CTNNA3: variants seen among roughly 807,000 people sequenced by gnomAD.
The protein encoded by CTNNA3 is catenin alpha-3.
A neutral mutation model predicts 95.7 loss-of-function variants in CTNNA3; 76 were observed. The ratio of observed to expected loss-of-function variants is 0.79; its 90% confidence interval spans 0.66 to 0.96. The LOEUF (loss-of-function observed/expected upper bound fraction) is 0.96, where lower values mean the gene tolerates loss of function less well. Ranked by LOEUF, CTNNA3 falls within the 40% of genes least tolerant of loss-of-function variation. CTNNA3 has a pLI of 0.00. For missense variants in CTNNA3, 1,191 were observed against 1,089.8 expected (o/e 1.09, Z -1.31); for synonymous variants, 431 against 374.4 (o/e 1.15, Z -1.74).
At chr10:66,218,428 C>T (rs1427135262) in intron 13 of CTNNA3, among the ~76,000 whole-genome samples, 1 of 152,098 alleles carries the variant, frequency 6.6e-6, no homozygotes, top group Non-Finnish European at 1.5e-5. Flanking sequence ...TGTCTCTCTT[C>T]ATATGGCCTG....
At chr10:66,387,618 T>A (rs1285501434) in intron 11 of CTNNA3, among the ~76,000 whole-genome samples, 1 of 152,198 alleles carries the variant, frequency 6.6e-6, no homozygotes, top group Non-Finnish European at 1.5e-5. Context: ...GGATTATAAA[T>A]CATGCTACAA....
chr10:66,288,902 T>C (rs189403423), intron 12 of CTNNA3, among the ~76,000 whole-genome samples: 13 of 152,106 alleles, frequency 8.5e-5, no homozygotes, highest in Admixed American at 2.6e-4. Context: ...TATCTAATGA[T>C]ACAATTCTTA....
chr10:66,795,966 A>T (rs1841173886), intron 7 of CTNNA3, among the ~76,000 whole-genome samples: 1 of 152,054 alleles, frequency 6.6e-6, no homozygotes, highest in South Asian at 2.1e-4. Flanking sequence ...CTTGCAGTAG[A>T]TTAGGCTTTA....
intron 13 of CTNNA3, among the ~76,000 whole-genome samples, chr10:66,121,042 C>T (rs1467383649): frequency 6.6e-6 from 1 of 152,156 alleles, no homozygotes; most frequent in African/African-American, 2.4e-5. Context: ...AAATCTAAAT[C>T]AGGTGTCCTA....
At chr10:66,237,808 A>G (rs2089928344) in intron 13 of CTNNA3, among the ~76,000 whole-genome samples, 1 of 152,140 alleles carries the variant, frequency 6.6e-6, no homozygotes. Flanking sequence ...ATTCTAAATA[A>G]TCATACAAAG....
chr10:67,120,248 C>G (rs1027182761), intron 7 of CTNNA3, among the ~76,000 whole-genome samples: 2 of 151,840 alleles, frequency 1.3e-5, no homozygotes, highest in Non-Finnish European at 2.9e-5. Context: ...TATTATATTT[C>G]TACCCTGAAT....
chr10:67,163,379 T>C (rs186405984), intron 7 of CTNNA3, among the ~76,000 whole-genome samples: 20 of 152,062 alleles, frequency 1.3e-4, no homozygotes, highest in African/African-American at 3.4e-4. Flanking sequence ...ATTATGTAAA[T>C]TGATGCAGAA....
At chr10:67,583,279 G>A (rs570418514) in intron 3 of CTNNA3, among the ~76,000 whole-genome samples, 1 of 152,254 alleles carries the variant, frequency 6.6e-6, no homozygotes, top group East Asian at 1.9e-4. Context: ...CTCAGCATTT[G>A]CTTGTCTGTA....
chr10:67,227,813 T>G (rs941952625), intron 5 of CTNNA3, among the ~76,000 whole-genome samples: 78 of 152,098 alleles, frequency 5.1e-4, no homozygotes, highest in African/African-American at 1.9e-3. Flanking sequence ...TGAGCCTCAA[T>G]AAATTTAAGA....
At chr10:66,706,855 A>G (rs905721291) in intron 9 of CTNNA3, among the ~76,000 whole-genome samples, 1 of 152,034 alleles carries the variant, frequency 6.6e-6, no homozygotes, top group Admixed American at 6.6e-5. Flanking sequence ...TTGAAGCCAC[A>G]GTAATGAGAG....
chr10:66,366,807 T>G (rs1019990826), intron 12 of CTNNA3, among the ~76,000 whole-genome samples: 6 of 152,166 alleles, frequency 3.9e-5, no homozygotes, highest in Non-Finnish European at 7.4e-5. Flanking sequence ...CAAAACCTAA[T>G]GCAACCACTT....
intron 13 of CTNNA3, among the ~76,000 whole-genome samples, chr10:66,179,635 C>G (rs1268149302): frequency 6.6e-6 from 1 of 152,070 alleles, no homozygotes; most frequent in African/African-American, 2.4e-5. Flanking sequence ...CTGAAAGGAT[C>G]TCCATAAAGG....
At chr10:66,770,739 G>C (rs1589235942) in intron 8 of CTNNA3, among the ~76,000 whole-genome samples, 1 of 152,164 alleles carries the variant, frequency 6.6e-6, no homozygotes, top group East Asian at 1.9e-4. Flanking sequence ...GTGATGGGAA[G>C]GGGAATGGAA....
intron 17 of CTNNA3, among the ~76,000 whole-genome samples, chr10:65,950,837 C>T (rs1408788759): frequency 2.0e-5 from 3 of 152,126 alleles, no homozygotes; most frequent in Non-Finnish European, 1.5e-5. Flanking sequence ...CACATCACAT[C>T]TATACTTTTT....
At chr10:66,232,085 CAGAGTTAATCCTAAAG>C (rs1484128865) in intron 13 of CTNNA3, among the ~76,000 whole-genome samples, 1 of 152,156 alleles carries the variant, frequency 6.6e-6, no homozygotes, top group African/African-American at 2.4e-5. Flanking sequence ...TTGAGGTTTT[CAGAGTTAATCCTAAAG>C]AGAGTAATAA....
chr10:67,300,929 T>C (rs1159410231), intron 5 of CTNNA3, among the ~76,000 whole-genome samples: 1 of 152,244 alleles, frequency 6.6e-6, no homozygotes, highest in African/African-American at 2.4e-5. Flanking sequence ...GGTAAGAATT[T>C]TTTTATGTAC....
chr10:66,602,333 C>T (rs80312080), intron 10 of CTNNA3, among the ~76,000 whole-genome samples: 140 of 152,018 alleles, frequency 9.2e-4, no homozygotes, highest in African/African-American at 3.2e-3. Context: ...TCAGCACTAA[C>T]ATTACCTTCT....
At chr10:67,070,683 G>T (rs969040239) in intron 7 of CTNNA3, among the ~76,000 whole-genome samples, 3 of 151,760 alleles carry the variant, frequency 2.0e-5, no homozygotes, top group African/African-American at 7.3e-5. Flanking sequence ...GGAGGCGGAG[G>T]TTGCAGGGAG....
At chr10:66,227,001 A>T (rs927814302) in intron 13 of CTNNA3, among the ~76,000 whole-genome samples, 20 of 152,026 alleles carry the variant, frequency 1.3e-4, no homozygotes, top group African/African-American at 4.1e-4. Context: ...ATCTCCATAT[A>T]GGGATAATTT....
Sources: allele counts gnomAD v4.1 joint callset (sites outside exome capture counted in the v4.1 genomes callset), GRCh38; gene constraint gnomAD v4.1.1; transcripts MANE v1.5; gene names NCBI Gene and HGNC (gene_info 2026-07-23, HGNC 2026-07-21).